The following AGAP1 variants were observed in gnomAD, a reference collection of about 807,000 sequenced individuals.
AGAP1 encodes arf-GAP with GTPase, ANK repeat and PH domain-containing protein 1.
In AGAP1, 29 loss-of-function variants were observed where a neutral mutation model predicts 105.3. The observed-to-expected ratio is 0.28, with a 90% CI of 0.21 to 0.38. The LOEUF (loss-of-function observed/expected upper bound fraction) is 0.38, where lower values mean the gene tolerates loss of function less well. AGAP1 is among the 10% of genes least tolerant of loss of function. The pLI is 1.00. For missense variants in AGAP1, 998 were observed against 1,165.1 expected (o/e 0.86, Z 2.09); for synonymous variants, 509 against 485.9 (o/e 1.05, Z -0.63).
intron 1 of AGAP1, among the ~76,000 whole-genome samples, chr2:235,641,352 CT>C (rs780704187): frequency 0.017 from 2,316 of 137,026 alleles, 20 homozygotes; most frequent in South Asian, 0.024. Flanking sequence ...TCCTTCCTTC[CT>C]TTTTTTTTTT....
intron 1 of AGAP1, among the ~76,000 whole-genome samples, chr2:235,595,754 T>C (rs1359759409): frequency 1.3e-5 from 2 of 152,174 alleles, no homozygotes; most frequent in African/African-American, 4.8e-5. Context: ...GATGTGAAAT[T>C]AACAAAAACT....
chr2:236,034,171 C>T (rs1390183652), intron 13 of AGAP1, among the ~76,000 whole-genome samples: 1 of 152,192 alleles, frequency 6.6e-6, no homozygotes, highest in East Asian at 1.9e-4. Flanking sequence ...AATCATAGTA[C>T]TAGGACTTAA....
intron 9 of AGAP1, among the ~76,000 whole-genome samples, chr2:235,838,323 C>T (rs1397758979): frequency 6.6e-6 from 1 of 152,168 alleles, no homozygotes; most frequent in Admixed American, 6.5e-5. Flanking sequence ...ACAGGCTTGC[C>T]ATTGGTGAAT....
chr2:235,890,956 C>T (rs138373508), intron 10 of AGAP1, among the ~76,000 whole-genome samples: 1,406 of 87,640 alleles, frequency 0.016, 38 homozygotes, highest in African/African-American at 0.05. Context: ...AAAAAAAACA[C>T]CTCAGTTAAT....
chr2:235,682,648 A>T (rs76777221), intron 1 of AGAP1, among the ~76,000 whole-genome samples: 4,841 of 152,162 alleles, frequency 0.032, 254 homozygotes, highest in African/African-American at 0.11. Context: ...CCTGGCACAG[A>T]ACCCTGATTT....
chr2:235,813,734 C>G (rs1958290699), intron 9 of AGAP1, among the ~76,000 whole-genome samples: 1 of 152,226 alleles, frequency 6.6e-6, no homozygotes, highest in African/African-American at 2.4e-5. Flanking sequence ...CAGTTAGTCC[C>G]TCTGCCTTAT....
At chr2:235,521,224 G>A (rs559823175) in intron 1 of AGAP1, among the ~76,000 whole-genome samples, 1 of 152,264 alleles carries the variant, frequency 6.6e-6, no homozygotes, top group African/African-American at 2.4e-5. Flanking sequence ...CAGTTATTGT[G>A]TTTTAAATCA....
rs1210295911 is a variant in AGAP1 at position 235,639,751 on chromosome 2, C to T, written c.164-69428C>T. Reference sequence around the variant, plus strand: ...GTTCTCAAAATCAGCACATGCCATCCCACATTCTAGACCATCCAGTTTTGC... The same window carrying T: ...GTTCTCAAAATCAGCACATGCCATCTCACATTCTAGACCATCCAGTTTTGC... On this transcript the variant is annotated intron_variant, in intron 1 of 17. Coordinates refer to ENST00000304032, the MANE Select transcript of AGAP1 (RefSeq NM_001037131.3). This position sits in a 1 kb window ranked among gnomAD's most constrained non-coding sequence, Gnocchi z 5.3. Among the ~76,000 whole-genome samples, 1 of 152,122 alleles carries T rather than the reference C, an allele frequency of 6.6e-6. No homozygotes were observed. Among genetic ancestry groups the T allele is most frequent in the Non-Finnish European group, 1.5e-5 (1 of 68,036 alleles).
intron 9 of AGAP1, among the ~76,000 whole-genome samples, chr2:235,840,313 C>T (rs935775374): frequency 7.9e-5 from 12 of 152,218 alleles, no homozygotes; most frequent in Non-Finnish European, 8.8e-5. Flanking sequence ...GTGGACATTG[C>T]AGTGACCATT....
At chr2:235,832,397 C>T (rs1282747782) in intron 9 of AGAP1, among the ~76,000 whole-genome samples, 1 of 152,152 alleles carries the variant, frequency 6.6e-6, no homozygotes, top group Admixed American at 6.6e-5. Flanking sequence ...ATTTTCCTTA[C>T]AGTTTGATAA....
intron 1 of AGAP1, among the ~76,000 whole-genome samples, chr2:235,584,858 G>T (rs1422543528): frequency 6.7e-6 from 1 of 149,608 alleles, no homozygotes; most frequent in African/African-American, 2.5e-5. Flanking sequence ...GAAACTTGGA[G>T]GCCATTGGCT....
chr2:235,818,030 C>T (rs1958559887), intron 9 of AGAP1, among the ~76,000 whole-genome samples: 1 of 152,206 alleles, frequency 6.6e-6, no homozygotes, highest in South Asian at 2.1e-4. Context: ...TTAGGGCCGT[C>T]CCAAGTCTAG....
chr2:235,565,512 G>A (rs145593067), intron 1 of AGAP1, among the ~76,000 whole-genome samples: 2 of 152,254 alleles, frequency 1.3e-5, no homozygotes, highest in Non-Finnish European at 2.9e-5. Context: ...AAGGTGGGGC[G>A]GGGCTCACAG....
chr2:236,032,412 G>T (rs1466015477), intron 13 of AGAP1, among the ~76,000 whole-genome samples: 2 of 152,148 alleles, frequency 1.3e-5, no homozygotes, highest in Non-Finnish European at 2.9e-5. Context: ...AAGCATCTCA[G>T]AAGACTAAGG....
intron 12 of AGAP1, among the ~76,000 whole-genome samples, chr2:235,948,426 C>T (rs11679677): frequency 6.6e-6 from 1 of 152,044 alleles, no homozygotes; most frequent in Non-Finnish European, 1.5e-5. Context: ...CTTCTGTGTT[C>T]CCCCCACCTC....
intron 13 of AGAP1, among the ~76,000 whole-genome samples, chr2:235,996,102 C>T (rs1399791789): frequency 6.6e-6 from 1 of 152,224 alleles, no homozygotes. Flanking sequence ...ATAGCAGTGC[C>T]AGTTAACTGA....
chr2:236,104,281 T>G lies in AGAP1; in HGVS notation c.2115-15911T>G, dbSNP rs1157831236. 6.6e-6 allele frequency among the ~76,000 whole-genome samples: 1 copy of G among 152,196 alleles called. No homozygotes were observed. The highest frequency in any genetic ancestry group is 2.4e-5 in the African/African-American group (1 of 41,458). ...CAGGCTGACATGGGCAGTTCCAGTT[T>G]CCCAAGGCAGTCCAGCCTCCAGCAC... is the stretch of plus-strand genomic sequence containing the variant. On this transcript the variant is annotated intron_variant, in intron 16 of 17. Coordinates refer to ENST00000304032, the MANE Select transcript of AGAP1 (RefSeq NM_001037131.3). The surrounding 1 kb of genome is among the most constrained non-coding windows in gnomAD (Gnocchi z 4.7).
rs575824553 is a variant in AGAP1 at position 235,605,456 on chromosome 2, G to T, written c.164-103723G>T. ...TAAAATCTGTTTTTCACCAGACGAC[G>T]CCGGCCCTTCCGGCTTGTCGTGCAG... On this transcript the variant is annotated intron_variant, in intron 1 of 17. Coordinates refer to ENST00000304032, the MANE Select transcript of AGAP1 (RefSeq NM_001037131.3). 2.2e-4 allele frequency among the ~76,000 whole-genome samples: 34 copies of T among 152,318 alleles called. No homozygotes were observed. In the South Asian group the frequency reaches 6.8e-3, roughly 31 times the overall value.
At chr2:236,107,258 A>G (rs2059521654) in intron 16 of AGAP1, among the ~76,000 whole-genome samples, 1 of 152,206 alleles carries the variant, frequency 6.6e-6, no homozygotes, top group Non-Finnish European at 1.5e-5. Flanking sequence ...CCTTGCCCAG[A>G]GAGGCCTGGG....
Sources: gnomAD v4.1 joint callset for allele counts (sites outside exome capture counted in the v4.1 genomes callset) on GRCh38, gnomAD v4.1.1 for gene constraint, Gnocchi (gnomAD v3.1) non-coding constraint, MANE v1.5 for transcripts, NCBI Gene and HGNC (gene_info 2026-07-23, HGNC 2026-07-21) for gene names.